Variants in EPHA3 observed in about 807,000 individuals in gnomAD.
EPHA3 encodes ephrin type-A receptor 3.
EPHA3 carries 42 observed loss-of-function variants against 107.1 expected under a neutral mutation model. The ratio of observed to expected loss-of-function variants is 0.39; its 90% CI spans 0.31 to 0.51. EPHA3 has a LOEUF of 0.51. EPHA3 is among the 20% of genes least tolerant of loss of function. EPHA3 has a pLI of 0.78. For missense variants in EPHA3, 1,183 were observed against 1,211.2 expected, an observed-to-expected ratio of 0.98 and a Z score of 0.35; for synonymous variants, 461 against 424.8, an observed-to-expected ratio of 1.09 and a Z score of -1.05.
intron 2 of EPHA3, among the ~76,000 whole-genome samples, chr3:89,207,469 A>G (rs1053074329): frequency 6.6e-6 from 1 of 152,198 alleles, no homozygotes; most frequent in African/African-American, 2.4e-5. Flanking sequence ...ACATGGCCCA[A>G]ACTGGGAAAA....
Position 89,352,720 on chromosome 3 carries a change from A to T in EPHA3, c.1306+10630A>T, listed in dbSNP as rs914821299. Among the ~76,000 whole-genome samples, 7 of 150,542 alleles carry T rather than the reference A, an allele frequency of 4.6e-5. 1 individual carries two copies. Among genetic ancestry groups the T allele is most frequent in the Non-Finnish European group, 1.0e-4 (7 of 67,386 alleles). ...GGAATTCAAGACCAGCCTGGTCAACATGGTGAAACCCTGTCTCTACAAAAA... is the reference window on the plus strand; with the variant it reads ...GGAATTCAAGACCAGCCTGGTCAACTTGGTGAAACCCTGTCTCTACAAAAA... On this transcript the variant is annotated intron_variant, in intron 5 of 16. Coordinates refer to ENST00000336596, the MANE Select transcript of EPHA3 (RefSeq NM_005233.6).
intron 3 of EPHA3, among the ~76,000 whole-genome samples, chr3:89,308,175 T>C (rs1338221012): frequency 1.3e-5 from 2 of 152,092 alleles, no homozygotes; most frequent in Non-Finnish European, 2.9e-5. Flanking sequence ...AAGGATAAAA[T>C]GGTATTAAGT....
chr3:89,140,782 T>C (rs1261734598), intron 2 of EPHA3, among the ~76,000 whole-genome samples: 3 of 151,706 alleles, frequency 2.0e-5, no homozygotes, highest in Non-Finnish European at 4.4e-5. Flanking sequence ...TAATAGTTTA[T>C]GTAGCATACA....
intron 3 of EPHA3, among the ~76,000 whole-genome samples, chr3:89,243,286 G>A (rs1318201299): frequency 3.3e-5 from 5 of 152,002 alleles, no homozygotes; most frequent in Non-Finnish European, 2.9e-5. Flanking sequence ...GGGATTGCTG[G>A]GTCAAATGGT....
chr3:89,477,764 C>G (rs11923388), intron 16 of EPHA3, among the ~76,000 whole-genome samples: 2 of 151,562 alleles, frequency 1.3e-5, no homozygotes, highest in Non-Finnish European at 2.9e-5. Flanking sequence ...CTTTCTTTAG[C>G]AAATTTGTAT....
Position 89,308,235 on chromosome 3 carries a change from A to G in EPHA3, c.815-32681A>G, listed in dbSNP as rs549372246. Among the ~76,000 whole-genome samples, 352 of 152,316 alleles carry G rather than the reference A, an allele frequency of 2.3e-3. 1 individual carries two copies. Among genetic ancestry groups the G allele is most frequent in the African/African-American group, 7.9e-3 (327 of 41,584 alleles). On this transcript the variant is annotated intron_variant, in intron 3 of 16. Coordinates refer to ENST00000336596, the MANE Select transcript of EPHA3 (RefSeq NM_005233.6). ...AGAAGAGTACGAAAAAATCCTACACATGAAAAGTAGTACATAACTGTGTAT... is the reference window on the plus strand; with the variant it reads ...AGAAGAGTACGAAAAAATCCTACACGTGAAAAGTAGTACATAACTGTGTAT...
intron 2 of EPHA3, among the ~76,000 whole-genome samples, chr3:89,161,918 A>G (rs1318771510): frequency 6.6e-6 from 1 of 151,816 alleles, no homozygotes. Context: ...TAGAGGCTGC[A>G]GTGAGCCATG....
rs1191500001 is a variant in EPHA3 at position 89,466,605 on chromosome 3, C to T, written c.2691-5859C>T. Among the ~76,000 whole-genome samples, 14 of 128,426 alleles carry T rather than the reference C, an allele frequency of 1.1e-4. 1 individual carries two copies. Among genetic ancestry groups the T allele is most frequent in the African/African-American group, 2.1e-4 (7 of 33,674 alleles). The allele number at this position is 128,426 out of a possible 152,430, so 84.3% of individuals were successfully genotyped here. ...AGTGACCCGATTTTCCAGGTGCGTC[C>T]GTCACCCCTTTCTTTGACTCGGAAA... On this transcript the variant is annotated intron_variant, in intron 15 of 16. Coordinates refer to ENST00000336596, the MANE Select transcript of EPHA3 (RefSeq NM_005233.6).
intron 2 of EPHA3, among the ~76,000 whole-genome samples, chr3:89,188,418 A>C (rs779325990): frequency 3.3e-5 from 5 of 152,190 alleles, no homozygotes; most frequent in African/African-American, 4.8e-5. Context: ...TGGTGTCAGC[A>C]TACTATTTTC....
At chr3:89,162,996 C>T (rs570015869) in intron 2 of EPHA3, among the ~76,000 whole-genome samples, 1 of 152,126 alleles carries the variant, frequency 6.6e-6, no homozygotes, top group Non-Finnish European at 1.5e-5. Context: ...CATAGTCGCA[C>T]AACAAACATG....
At chr3:89,266,158 C>A (rs796483471) in intron 3 of EPHA3, among the ~76,000 whole-genome samples, 33 of 152,174 alleles carry the variant, frequency 2.2e-4, no homozygotes, top group African/African-American at 7.7e-4. Flanking sequence ...AAAGTATGAA[C>A]CCATTTAATA....
intron 14 of EPHA3, 80 bp downstream of exon 14, chr3:89,449,454 G>T (rs2107553925): frequency 7.6e-7 from 1 of 1,311,142 alleles, no homozygotes; most frequent in Non-Finnish European, 1.0e-6. Context: ...AATGTAACTG[G>T]GTGGCTCCTG....
chr3:89,422,450 T>A (rs1420497892), intron 11 of EPHA3, among the ~76,000 whole-genome samples: 1 of 151,446 alleles, frequency 6.6e-6, no homozygotes, highest in Admixed American at 6.6e-5. Flanking sequence ...AGATTAATAA[T>A]CAATGATCTG....
rs2107420889 is a variant in EPHA3, at chr3:89,341,996, C to T, written c.1212C>T (p.Asn404=). The T allele has an allele frequency of 6.2e-7, 1 of 1,613,158 alleles. No homozygotes were observed. The highest frequency in any genetic ancestry group is 8.5e-7 in the Non-Finnish European group (1 of 1,179,864). The change falls in exon 5 of 17, where the codon AAC becomes AAT. Residue 404 remains asparagine (N), a synonymous_variant. Transcript: ENST00000336596. ...TGACAGACCTTCTGGCACATACTAA[C>T]TACACCTTTGAGATTGATGCCGTTA... ...VTVTDLLAHT[N]YTFEIDAVNG... is the part of the protein sequence containing the mutation.
chr3:89,433,443 A>T (rs1157954217), intron 13 of EPHA3, among the ~76,000 whole-genome samples: 5 of 152,208 alleles, frequency 3.3e-5, no homozygotes, highest in Non-Finnish European at 7.3e-5. Context: ...CCGCAATAAT[A>T]GAACCACTGA....
chr3:89,437,224 C>T (rs1483042329), intron 13 of EPHA3, among the ~76,000 whole-genome samples: 3 of 151,952 alleles, frequency 2.0e-5, no homozygotes, highest in South Asian at 2.1e-4. Flanking sequence ...ATATTTTTGC[C>T]GTTATTCACT....
chr3:89,452,037 T>C (rs970688232), intron 15 of EPHA3, among the ~76,000 whole-genome samples: 2 of 152,132 alleles, frequency 1.3e-5, no homozygotes, highest in African/African-American at 4.8e-5. Flanking sequence ...CTAAAATCAA[T>C]GCCCCTGAAA....
chr3:89,119,676 C>A (rs528221554), intron 1 of EPHA3, among the ~76,000 whole-genome samples: 1 of 152,130 alleles, frequency 6.6e-6, no homozygotes, highest in East Asian at 1.9e-4. Flanking sequence ...GAACTTTATT[C>A]TGATTTTAGT....
chr3:89,446,678 T>C (rs989426037), intron 13 of EPHA3, among the ~76,000 whole-genome samples: 26 of 152,012 alleles, frequency 1.7e-4, no homozygotes, highest in Non-Finnish European at 2.6e-4. Context: ...GTTTTCAGCA[T>C]AGAAAGGGCT....
Sources: gnomAD v4.1 joint callset for allele counts (sites outside exome capture counted in the v4.1 genomes callset) on GRCh38, gnomAD v4.1.1 for gene constraint, MANE v1.5 for transcripts, NCBI Gene and HGNC (gene_info 2026-07-23, HGNC 2026-07-21) for gene names.